Variants in EGFLAM observed in about 807,000 individuals in gnomAD.
EGFLAM encodes the protein EGF like, fibronectin type III and laminin G domains.
EGFLAM carries 79 observed loss-of-function variants against 113.1 expected under a neutral mutation model. The ratio of observed to expected loss-of-function variants is 0.70; its 90% CI spans 0.58 to 0.84. The LOEUF is 0.84. Among genes scored for constraint, EGFLAM ranks in the 40% least tolerant of loss-of-function variants. The probability of loss-of-function intolerance (pLI) is 0.00; values close to 1 mark genes in which losing one functional copy is unlikely to be tolerated. For missense variants in EGFLAM, 1,265 were observed against 1,291.6 expected (o/e 0.98, Z 0.32); for synonymous variants, 504 against 487.6 (o/e 1.03, Z -0.44).
At chr5:38,446,368 G>A (rs1742712980) in intron 17 of EGFLAM, among the ~76,000 whole-genome samples, 1 of 151,826 alleles carries the variant, frequency 6.6e-6, no homozygotes. Flanking sequence ...CTTCTCTCCC[G>A]GTTGTCTTCC....
chr5:38,452,278 C>A (rs147019428), intron 19 of EGFLAM, among the ~76,000 whole-genome samples: 2 of 152,130 alleles, frequency 1.3e-5, no homozygotes, highest in South Asian at 2.1e-4. Context: ...GTGATCCACC[C>A]GCTTCGGCCT....
chr5:38,423,505 T>C (rs1170464582), intron 12 of EGFLAM, among the ~76,000 whole-genome samples: 1 of 152,196 alleles, frequency 6.6e-6, no homozygotes, highest in Non-Finnish European at 1.5e-5. Context: ...TCTGTACATC[T>C]AAAATAACAT....
chr5:38,329,280 C>G (rs543092836), intron 1 of EGFLAM, among the ~76,000 whole-genome samples: 1 of 148,964 alleles, frequency 6.7e-6, no homozygotes, highest in Non-Finnish European at 1.5e-5. Flanking sequence ...CAGAGGGAGA[C>G]CCTATCTCAA....
At chr5:38,435,116 T>C in intron 15 of EGFLAM, 21 bp from the exon 16 acceptor site, 1 of 1,602,520 alleles carries the variant, frequency 6.2e-7, no homozygotes, top group African/African-American at 1.3e-5. Context: ...ATACAATGCT[T>C]TGTTTTTAAT....
chr5:38,348,709 G>A (rs1408648034), intron 3 of EGFLAM, among the ~76,000 whole-genome samples: 1 of 152,152 alleles, frequency 6.6e-6, no homozygotes, highest in Non-Finnish European at 1.5e-5. Flanking sequence ...AGCTAGGGGT[G>A]CAGGTATGGT....
intron 1 of EGFLAM, among the ~76,000 whole-genome samples, chr5:38,283,407 A>C (rs1462040531): frequency 6.6e-6 from 1 of 152,206 alleles, no homozygotes; most frequent in African/African-American, 2.4e-5. Flanking sequence ...ATAATGGGGA[A>C]GAATCCACGT....
chr5:38,315,168 C>T (rs1001980391), intron 1 of EGFLAM, among the ~76,000 whole-genome samples: 4 of 152,044 alleles, frequency 2.6e-5, no homozygotes, highest in African/African-American at 9.7e-5. Context: ...GTCTTATTAT[C>T]CTATCTCTTT....
intron 17 of EGFLAM, among the ~76,000 whole-genome samples, chr5:38,443,648 C>T (rs1355474348): frequency 1.3e-5 from 2 of 152,194 alleles, no homozygotes; most frequent in Admixed American, 6.5e-5. Context: ...GATGGGCATC[C>T]ATCAAGGATG....
At chr5:38,301,676 T>A (rs2434504) in intron 1 of EGFLAM, among the ~76,000 whole-genome samples, 80,910 of 151,782 alleles carry the variant, frequency 0.53, 23,728 homozygotes, top group African/African-American at 0.78. Flanking sequence ...AACATAGAAA[T>A]CCAAAGAATT....
intron 10 of EGFLAM, among the ~76,000 whole-genome samples, chr5:38,411,300 C>T (rs541447561): frequency 3.3e-5 from 5 of 151,832 alleles, no homozygotes; most frequent in South Asian, 4.2e-4. Flanking sequence ...TGGTGGCATG[C>T]GCCTGTAGTC....
intron 1 of EGFLAM, among the ~76,000 whole-genome samples, chr5:38,299,151 T>A (rs2111819589): frequency 6.6e-6 from 1 of 152,324 alleles, no homozygotes; most frequent in African/African-American, 2.4e-5. Context: ...GTCCAGAGAC[T>A]TTTCTCTTGG....
intron 6 of EGFLAM, among the ~76,000 whole-genome samples, chr5:38,394,005 C>G (rs1398338024): frequency 6.6e-6 from 1 of 152,154 alleles, no homozygotes; most frequent in Non-Finnish European, 1.5e-5. Context: ...GGAAGGTGAT[C>G]TTTCCCTGAA....
chr5:38,347,859 A>C (rs1739514924), intron 3 of EGFLAM, among the ~76,000 whole-genome samples: 1 of 152,126 alleles, frequency 6.6e-6, no homozygotes, highest in African/African-American at 2.4e-5. Flanking sequence ...CATTGGTGGC[A>C]GGGGAATCAG....
chr5:38,372,941 T>C (rs908922775), intron 6 of EGFLAM, among the ~76,000 whole-genome samples: 1 of 152,214 alleles, frequency 6.6e-6, no homozygotes, highest in Non-Finnish European at 1.5e-5. Context: ...TTCCAAAACA[T>C]GATTTTCCCA....
At chr5:38,395,505 C>A (rs956778016) in intron 6 of EGFLAM, among the ~76,000 whole-genome samples, 1 of 152,136 alleles carries the variant, frequency 6.6e-6, no homozygotes, top group South Asian at 2.1e-4. Context: ...TCTCCTAGCA[C>A]TTTGTCTTTA....
At chr5:38,424,007 G>A (rs2112181491) in intron 12 of EGFLAM, among the ~76,000 whole-genome samples, 1 of 152,316 alleles carries the variant, frequency 6.6e-6, no homozygotes, top group East Asian at 1.9e-4. Flanking sequence ...GCAGAGGGCA[G>A]CCTTGAAGAC....
At chr5:38,376,426 T>C (rs1214299396) in intron 6 of EGFLAM, among the ~76,000 whole-genome samples, 2 of 152,232 alleles carry the variant, frequency 1.3e-5, no homozygotes, top group Non-Finnish European at 2.9e-5. Flanking sequence ...ACTTAATTTC[T>C]AGGATACTAT....
At chr5:38,305,475 A>G (rs1484668082) in intron 1 of EGFLAM, 2 of 455,348 alleles carry the variant, frequency 4.4e-6, no homozygotes, top group Admixed American at 2.4e-5. Context: ...GGACAGAACC[A>G]TGACGCAGGA....
intron 1 of EGFLAM, among the ~76,000 whole-genome samples, chr5:38,264,708 T>TGTCCCCTTTCCA (rs1325849636): frequency 6.6e-6 from 1 of 152,164 alleles, no homozygotes; most frequent in Non-Finnish European, 1.5e-5. Flanking sequence ...TGTTCCTTCC[T>TGTCCCCTTTCCA]GTCCCCTTTC....
Sources: allele counts gnomAD v4.1 joint callset (sites outside exome capture counted in the v4.1 genomes callset), GRCh38; gene constraint gnomAD v4.1.1; transcripts MANE v1.5; gene names NCBI Gene and HGNC (gene_info 2026-07-23, HGNC 2026-07-21).